The following KPNA7 variants were observed in gnomAD, a reference collection of about 807,000 sequenced individuals.
KPNA7 encodes importin subunit alpha-8.
In KPNA7, 54 loss-of-function variants were observed where a neutral mutation model predicts 53.7. That is an observed-to-expected ratio of 1.01 (90% CI 0.81 to 1.26). The LOEUF is 1.26. KPNA7 is among the 50% of genes most tolerant of loss of function. The pLI is 0.00. For missense variants in KPNA7, 640 were observed against 644.5 expected, an observed-to-expected ratio of 0.99 and a Z score of 0.07; for synonymous variants, 276 against 259.3, an observed-to-expected ratio of 1.06 and a Z score of -0.62.
chr7:99,145,913 C>T, the KPNA7 span, among the ~76,000 whole-genome samples: 188 of 152,296 alleles, frequency 1.2e-3, 1 homozygote, highest in Middle Eastern at 3.4e-3. Flanking sequence ...CACCTTGCGG[C>T]TCTTTCAGTT....
chr7:99,182,398 A>G (rs939188995), intron 8 of KPNA7, among the ~76,000 whole-genome samples: 2 of 152,118 alleles, frequency 1.3e-5, no homozygotes, highest in Non-Finnish European at 2.9e-5. Flanking sequence ...AGGTTTCACC[A>G]TGTTGGCCAG....
intron 3 of KPNA7, among the ~76,000 whole-genome samples, chr7:99,202,293 T>A (rs889760970): frequency 6.6e-6 from 1 of 152,088 alleles, no homozygotes; most frequent in Admixed American, 6.6e-5. Context: ...GACACCATTA[T>A]TGAGGTGCTA....
the KPNA7 span, among the ~76,000 whole-genome samples, chr7:99,156,263 G>T: frequency 6.6e-6 from 1 of 152,050 alleles, no homozygotes; most frequent in African/African-American, 2.4e-5. Flanking sequence ...AATAATTTAT[G>T]ATTCTAAATT....
downstream of KPNA7, among the ~76,000 whole-genome samples, chr7:99,173,312 C>T (rs1411300508): frequency 6.6e-6 from 1 of 152,074 alleles, no homozygotes; most frequent in African/African-American, 2.4e-5. Flanking sequence ...CTGCCTCAGC[C>T]TCCCAAATAG....
intron 9 of KPNA7, among the ~76,000 whole-genome samples, chr7:99,181,559 T>C (rs1043640848): frequency 6.6e-6 from 1 of 152,118 alleles, no homozygotes; most frequent in African/African-American, 2.4e-5. Flanking sequence ...AACTTGGGTT[T>C]TGTTTTGAGA....
the KPNA7 span, among the ~76,000 whole-genome samples, chr7:99,148,934 C>T: frequency 1.5e-5 from 2 of 131,068 alleles, no homozygotes; most frequent in Non-Finnish European, 3.1e-5. Flanking sequence ...CTTGCAGTGT[C>T]GCCCAGGCTG....
chr7:99,171,481 G>A (rs1336485327), downstream of KPNA7, among the ~76,000 whole-genome samples: 3 of 152,154 alleles, frequency 2.0e-5, no homozygotes, highest in Non-Finnish European at 4.4e-5. Context: ...TCACTTCATA[G>A]CCCAGGCTGG....
rs1171943942 is a variant in KPNA7, at chr7:99,195,072, G to A, written c.551C>T (p.Ala184Val). 6.4e-7 allele frequency: 1 copy of A among 1,551,266 alleles called. No individual in the cohort carries two copies. Among genetic ancestry groups the A allele is most frequent in the African/African-American group, 1.4e-5 (1 of 73,106 alleles). Residue 184 changes from alanine (A) to valine (V), a missense_variant and splice_region_variant, in exon 5 of 11, where the codon GCC (alanine) becomes GTC (valine). Transcript: ENST00000327442. ...GCCCACTAAGGGGAGAGTCTCACCG[G>A]CTATATTACCAAGAGCCCACACTGC... is the stretch of plus-strand genomic sequence containing the variant. ...EQAVWALGNI[A>V]GDGPEFRDNV...
the KPNA7 span, among the ~76,000 whole-genome samples, chr7:99,148,604 C>A: frequency 6.6e-6 from 1 of 151,822 alleles, no homozygotes; most frequent in African/African-American, 2.4e-5. Context: ...CTTATTTATT[C>A]TTTAAAAGAG....
At chr7:99,190,538 T>C (rs1281550046) in intron 6 of KPNA7, among the ~76,000 whole-genome samples, 1 of 152,208 alleles carries the variant, frequency 6.6e-6, no homozygotes, top group South Asian at 2.1e-4. Context: ...GGTTGAAAAC[T>C]TTTTCGGTAA....
the KPNA7 span, among the ~76,000 whole-genome samples, chr7:99,156,528 C>CTT: frequency 6.6e-6 from 1 of 151,288 alleles, no homozygotes; most frequent in African/African-American, 2.4e-5. Context: ...AATTCTGATA[C>CTT]TTTTTTTTTG....
chr7:99,190,458 C>T (rs1166137992), intron 6 of KPNA7, among the ~76,000 whole-genome samples: 1 of 152,084 alleles, frequency 6.6e-6, no homozygotes, highest in East Asian at 1.9e-4. Flanking sequence ...TTTTGGCAGG[C>T]TCTGCCTGAA....
chr7:99,171,633 C>T (rs1477147135), downstream of KPNA7, among the ~76,000 whole-genome samples: 1 of 152,188 alleles, frequency 6.6e-6, no homozygotes, highest in African/African-American at 2.4e-5. Flanking sequence ...TAGTGGCACA[C>T]ATCTGTAGAC....
Position 99,188,393 on chromosome 7 carries a change from G to A in KPNA7, c.807C>T (p.Thr269=), listed in dbSNP as rs776749940. The part of the protein sequence containing the change: ...SDACWALSYL[T]DGSNKRIGQV... ...GGCCGATGCGCTTGTTGGAGCCGTC[G>A]GTGAGGTAGGACAGTGCCCAGCAGG... Residue 269 remains threonine (T), a synonymous_variant, in exon 7 of 11, where the codon ACC becomes ACT. Coordinates refer to ENST00000327442, the MANE Select transcript of KPNA7 (RefSeq NM_001145715.3). 7.1e-6 allele frequency: 11 copies of A among 1,551,452 alleles called. No individual in the cohort carries two copies. Among genetic ancestry groups the A allele is most frequent in the Middle Eastern group, 1.7e-4 (1 of 6,012 alleles).
chr7:99,176,383 T>A (rs1798909332), intron 10 of KPNA7, among the ~76,000 whole-genome samples: 1 of 151,994 alleles, frequency 6.6e-6, no homozygotes, highest in African/African-American at 2.4e-5. Flanking sequence ...GATACCACTT[T>A]ATACCCATGA....
At chr7:99,176,513 G>A (rs999926157) in intron 10 of KPNA7, among the ~76,000 whole-genome samples, 19 of 152,166 alleles carry the variant, frequency 1.2e-4, no homozygotes, top group Admixed American at 3.9e-4. Flanking sequence ...GGAAAAGAGC[G>A]TGGTAGTTCT....
At chr7:99,166,621 TTTTA>T in the KPNA7 span, among the ~76,000 whole-genome samples, 247 of 145,838 alleles carry the variant, frequency 1.7e-3, no homozygotes, top group Middle Eastern at 4.1e-3. Context: ...GGCCTTTCTA[TTTTA>T]TTTATTTTTT....
chr7:99,186,634 T>C, intron 7 of KPNA7, among the ~76,000 whole-genome samples: 1 of 152,008 alleles, frequency 6.6e-6, no homozygotes, highest in East Asian at 1.9e-4. Context: ...TCCCAGCTAC[T>C]TGGGAGGCTG....
At chr7:99,162,330 C>T in the KPNA7 span, among the ~76,000 whole-genome samples, 1 of 152,204 alleles carries the variant, frequency 6.6e-6, no homozygotes, top group African/African-American at 2.4e-5. Context: ...AGGCATGAGC[C>T]ACCATGCCCA....
Sources: gnomAD v4.1 joint callset for allele counts (sites outside exome capture counted in the v4.1 genomes callset) on GRCh38, gnomAD v4.1.1 for gene constraint, MANE v1.5 for transcripts, NCBI Gene and HGNC (gene_info 2026-07-23, HGNC 2026-07-21) for gene names.